The following CDH12 variants were observed in gnomAD, a reference collection of about 807,000 sequenced individuals.
CDH12 encodes the protein cadherin-12.
Under a neutral mutation model 74.1 loss-of-function variants are expected in CDH12, and 41 were observed. The ratio of observed to expected loss-of-function variants is 0.55; its 90% CI spans 0.43 to 0.72. The LOEUF (loss-of-function observed/expected upper bound fraction) is 0.72. Among genes scored for constraint, CDH12 ranks in the 30% least tolerant of loss-of-function variants. The pLI is 0.00. For synonymous variants in CDH12, 399 were observed against 355.0 expected (o/e 1.12, Z -1.39); for missense variants, 945 against 977.2 (o/e 0.97, Z 0.44).
At chr5:22,005,873 A>G (rs1736923772) in intron 5 of CDH12, among the ~76,000 whole-genome samples, 2 of 152,168 alleles carry the variant, frequency 1.3e-5, no homozygotes, top group Non-Finnish European at 2.9e-5. Context: ...ATGGGTTTTC[A>G]AATGTATTCA....
chr5:22,391,207 G>A (rs752822450), intron 3 of CDH12, among the ~76,000 whole-genome samples: 7 of 152,154 alleles, frequency 4.6e-5, no homozygotes, highest in Non-Finnish European at 8.8e-5. Flanking sequence ...TTTTCACAAT[G>A]AAGTGACATT....
At chr5:22,436,203 G>A (rs989505789) in intron 2 of CDH12, among the ~76,000 whole-genome samples, 1 of 143,890 alleles carries the variant, frequency 6.9e-6, no homozygotes, top group Non-Finnish European at 1.5e-5. Context: ...CTCACTTATA[G>A]GTGGGAATTG....
intron 3 of CDH12, among the ~76,000 whole-genome samples, chr5:22,392,862 G>A (rs1742301929): frequency 6.6e-6 from 1 of 152,070 alleles, no homozygotes; most frequent in African/African-American, 2.4e-5. Context: ...TTCTCACACT[G>A]TTCTACAGTT....
intron 2 of CDH12, among the ~76,000 whole-genome samples, chr5:22,416,541 A>G (rs1192514226): frequency 6.6e-6 from 1 of 152,188 alleles, no homozygotes; most frequent in African/African-American, 2.4e-5. Flanking sequence ...AGGAAGTACA[A>G]ATGACCTCAG....
intron 2 of CDH12, among the ~76,000 whole-genome samples, chr5:22,430,313 A>G (rs189324202): frequency 6.6e-6 from 1 of 152,098 alleles, no homozygotes; most frequent in Non-Finnish European, 1.5e-5. Context: ...CATCAGAGAG[A>G]TAAAAGAATT....
intron 1 of CDH12, among the ~76,000 whole-genome samples, chr5:22,847,888 CT>C (rs765288535): frequency 2.8e-4 from 40 of 142,392 alleles, no homozygotes; most frequent in Non-Finnish European, 5.0e-4. Context: ...TTCTTTCTTT[CT>C]TTTTTTTCTT....
chr5:22,173,739 A>G (rs1749176186), intron 4 of CDH12, among the ~76,000 whole-genome samples: 1 of 151,938 alleles, frequency 6.6e-6, no homozygotes, highest in African/African-American at 2.4e-5. Flanking sequence ...TAGTAAAAGC[A>G]CAACTAACAC....
At chr5:22,460,713 A>ATTTTTTTTTTTTTTTTTTTTTTTTTT (rs3039460) in intron 2 of CDH12, among the ~76,000 whole-genome samples, 4 of 85,610 alleles carry the variant, frequency 4.7e-5, no homozygotes, top group African/African-American at 1.5e-4. Flanking sequence ...ATATCTAGCA[A>ATTTTTTTTTTTTTTTTTTTTTTTTTT]TTTTTTTTTT....
intron 1 of CDH12, among the ~76,000 whole-genome samples, chr5:22,724,433 C>A (rs1744059434): frequency 6.6e-6 from 1 of 151,806 alleles, no homozygotes; most frequent in Admixed American, 6.6e-5. Flanking sequence ...CATTCTTATG[C>A]CTTGGCATAC....
chr5:22,486,446 A>ATTTT (rs5866568), intron 2 of CDH12, among the ~76,000 whole-genome samples: 2 of 131,434 alleles, frequency 1.5e-5, no homozygotes, highest in African/African-American at 5.6e-5. Flanking sequence ...GTAACTAGTA[A>ATTTT]TTTTTTTTTT....
chr5:22,312,841 G>A (rs1738451514), intron 3 of CDH12, among the ~76,000 whole-genome samples: 1 of 152,196 alleles, frequency 6.6e-6, no homozygotes, highest in Non-Finnish European at 1.5e-5. Flanking sequence ...ATGAATTGGA[G>A]AGTTCCACAC....
chr5:22,624,346 G>T (rs1738155647), intron 1 of CDH12, among the ~76,000 whole-genome samples: 1 of 152,150 alleles, frequency 6.6e-6, no homozygotes. Context: ...CACAGCAGAA[G>T]AAACTACCAT....
intron 1 of CDH12, among the ~76,000 whole-genome samples, chr5:22,691,939 CACTTT>C (rs1742105751): frequency 6.6e-6 from 1 of 152,174 alleles, no homozygotes; most frequent in South Asian, 2.1e-4. Context: ...CCTCCCACTT[CACTTT>C]AACTCTCCCA....
chr5:21,986,926 T>C (rs1052043335), intron 5 of CDH12, among the ~76,000 whole-genome samples: 1 of 152,104 alleles, frequency 6.6e-6, no homozygotes, highest in Non-Finnish European at 1.5e-5. Context: ...AATCTAGTAA[T>C]AAAATCTTTT....
rs114606519 is a variant in CDH12, at chr5:22,068,612, G to T, written c.231+9834C>A. On this transcript the variant is annotated intron_variant, in intron 5 of 14. Coordinates refer to ENST00000382254, the MANE Select transcript of CDH12 (RefSeq NM_004061.5). ...GAAGGGACATGATTGGAACATTAAT[G>T]ACAAAGAGTTCTGGGGAAGAGATAA... Among the ~76,000 whole-genome samples the T allele has an allele frequency of 5.7e-3, 875 of 152,278 alleles. 8 individuals carry two copies. The highest frequency in any genetic ancestry group is 0.02 in the African/African-American group (837 of 41,558).
intron 1 of CDH12, among the ~76,000 whole-genome samples, chr5:22,848,501 T>G (rs2126537208): frequency 6.6e-6 from 1 of 152,342 alleles, no homozygotes; most frequent in Admixed American, 6.5e-5. Context: ...AAATTTGTAA[T>G]ATTATTGTTC....
chr5:22,630,423 C>G (rs1196730046), intron 1 of CDH12, among the ~76,000 whole-genome samples: 3 of 152,072 alleles, frequency 2.0e-5, no homozygotes, highest in Non-Finnish European at 2.9e-5. Flanking sequence ...AACAAAACAG[C>G]ATGGTACTGG....
At chr5:22,353,914 G>C (rs1740458167) in intron 3 of CDH12, among the ~76,000 whole-genome samples, 2 of 152,136 alleles carry the variant, frequency 1.3e-5, no homozygotes, top group Admixed American at 1.3e-4. Context: ...AAAGGAGACA[G>C]AATTAACAGG....
intron 4 of CDH12, among the ~76,000 whole-genome samples, chr5:22,170,239 A>G (rs1030063323): frequency 6.6e-6 from 1 of 151,906 alleles, no homozygotes; most frequent in Non-Finnish European, 1.5e-5. Flanking sequence ...TCAATATTCA[A>G]AGGCAAAAGA....
Sources: allele counts gnomAD v4.1 joint callset (sites outside exome capture counted in the v4.1 genomes callset), GRCh38; gene constraint gnomAD v4.1.1; transcripts MANE v1.5; gene names NCBI Gene and HGNC (gene_info 2026-07-23, HGNC 2026-07-21).